Variants in CACNG8 observed in about 807,000 individuals in gnomAD.
CACNG8 encodes calcium voltage-gated channel auxiliary subunit gamma 8.
Under a neutral mutation model 26.9 loss-of-function variants are expected in CACNG8, and 5 were observed. The observed-to-expected ratio is 0.19, with a 90% CI of 0.10 to 0.39. CACNG8 has a LOEUF of 0.39. CACNG8 is among the 10% of genes least tolerant of loss of function. CACNG8 has a pLI of 1.00. For synonymous variants in CACNG8, 321 were observed against 296.7 expected, an observed-to-expected ratio of 1.08 and a Z score of -0.84; for missense variants, 473 against 609.4, an observed-to-expected ratio of 0.78 and a Z score of 2.36.
At chr19:53,970,550 AGGAGGC>A (rs1211053159) in intron 1 of CACNG8, among the ~76,000 whole-genome samples, 3 of 150,088 alleles carry the variant, frequency 2.0e-5, no homozygotes, top group South Asian at 2.1e-4. Context: ...GCTTGAACCC[AGGAGGC>A]GGAGGTTGCT....
Position 53,987,926 on chromosome 19 carries a change from AC to A in CACNG8, c.*5080del, listed in dbSNP as rs1337941159. ...GCAGGGGGGTGGGGACAGAGAAGCG[AC>A]CCTGGCCAGAGCCTTGGGGACATCT... On this transcript the variant is annotated 3_prime_UTR_variant, in exon 4 of 4. Transcript: ENST00000270458. 1 of 151,316 alleles carries A rather than the reference AC, an allele frequency of 6.6e-6. No homozygotes were observed. 9.4% of individuals were successfully genotyped at this position (151,316 alleles called of 1,614,324 possible). A position where few individuals can be genotyped will look rare whatever the true frequency, so the allele number is the denominator to read the frequency against.
chr19:53,981,001 C>G (rs2069363567), intron 3 of CACNG8, among the ~76,000 whole-genome samples: 1 of 151,738 alleles, frequency 6.6e-6, no homozygotes, highest in Non-Finnish European at 1.5e-5. Context: ...CCGGCAAGGA[C>G]CCGAGACCGG....
Position 53,978,135 on chromosome 19 carries a change from C to G in CACNG8, c.284-11C>G, listed in dbSNP as rs1203752004. On this transcript the variant is annotated splice_polypyrimidine_tract_variant and intron_variant, in intron 1 of 3. Transcript: ENST00000270458. ...TATCCGCCCCCACCACTGCCCTCCC[C>G]GCTCCTCCAGGGTTGAAAAGAGGCG... 1 of 1,607,818 alleles carries G rather than the reference C, an allele frequency of 6.2e-7. No individual in the cohort carries two copies. Among genetic ancestry groups the G allele is most frequent in the Non-Finnish European group, 8.5e-7 (1 of 1,176,540 alleles).
chr19:53,982,243 C>G lies in CACNG8; in HGVS notation c.672C>G (p.Val224=). Residue 224 remains valine (V), a synonymous_variant, in exon 4 of 4, where the codon GTC becomes GTG. Coordinates refer to ENST00000270458, the MANE Select transcript of CACNG8 (RefSeq NM_031895.6). The surrounding 1 kb of genome is among the most constrained non-coding windows in gnomAD (Gnocchi z 8.4). ...CCGAGGTGATAGGCGTGCTGGCCGT[C>G]AACATCTACATCGAGCGCAGCCGCG... 1 of 1,612,878 alleles carries G rather than the reference C, an allele frequency of 6.2e-7. No individual in the cohort carries two copies. Among genetic ancestry groups the G allele is most frequent in the Admixed American group, 1.7e-5 (1 of 59,964 alleles).
At chr19:53,969,734 T>C (rs921295158) in intron 1 of CACNG8, among the ~76,000 whole-genome samples, 15 of 152,140 alleles carry the variant, frequency 9.9e-5, no homozygotes, top group African/African-American at 3.6e-4. Context: ...CCATTTCCCT[T>C]TGGAGTGTGT....
At chr19:53,976,082 T>C (rs113961696) in intron 1 of CACNG8, among the ~76,000 whole-genome samples, 2,461 of 152,312 alleles carry the variant, frequency 0.016, 70 homozygotes, top group African/African-American at 0.055. Context: ...CAGTGGCTCA[T>C]GCCTGTAGTC....
chr19:53,981,832 G>C (rs1204235454), intron 3 of CACNG8, among the ~76,000 whole-genome samples: 1 of 152,176 alleles, frequency 6.6e-6, no homozygotes, highest in Non-Finnish European at 1.5e-5. Context: ...GAGTGGGCCG[G>C]AGCCCTCTGG....
chr19:53,970,986 G>A lies in CACNG8; in HGVS notation c.284-7160G>A, dbSNP rs565546006. ...AGAAAAAAAGAAATATAACATGGGT[G>A]ACCATATATAGTTAAAATTTTTAGG... is the stretch of plus-strand genomic sequence containing the variant. On this transcript the variant is annotated intron_variant, in intron 1 of 3. Coordinates refer to ENST00000270458, the MANE Select transcript of CACNG8 (RefSeq NM_031895.6). Among the ~76,000 whole-genome samples the A allele has an allele frequency of 3.3e-5, 5 of 150,226 alleles. No individual in the cohort carries two copies. In the South Asian group the frequency reaches 1.1e-3, roughly 32 times the overall value.
At position 53,982,612 on chromosome 19, in the gene CACNG8, C is replaced by T; in HGVS notation, c.1041C>T (p.Gly347=). The change falls in exon 4 of 4, where the codon GGC becomes GGT. Residue 347 remains glycine (G), a synonymous_variant. Transcript: ENST00000270458. This position sits in a 1 kb window ranked among gnomAD's most constrained non-coding sequence, Gnocchi z 8.4. ...CGGCCGGGGGCGCCGGGGGCGGCGG[C>T]GGAGGCGGCGGCGGGGCGGGTGCCG... 2 of 978,476 alleles carry T rather than the reference C, an allele frequency of 2.0e-6. No individual in the cohort carries two copies. Among genetic ancestry groups the T allele is most frequent in the Non-Finnish European group, 2.4e-6 (2 of 825,088 alleles). The allele number at this position is 978,476 out of a possible 1,614,324, so 60.6% of individuals were successfully genotyped here.
intron 1 of CACNG8, among the ~76,000 whole-genome samples, chr19:53,971,081 C>T (rs540765546): frequency 6.6e-6 from 1 of 151,858 alleles, no homozygotes; most frequent in Non-Finnish European, 1.5e-5. Flanking sequence ...CACGTGAGGT[C>T]GGGAGTTGGA....
In CACNG8 at chr19:53,983,050, C is replaced by T; in HGVS notation, c.*201C>T. The T allele has an allele frequency of 3.9e-6, 1 of 253,186 alleles. No individual in the cohort carries two copies. The highest frequency in any genetic ancestry group is 7.3e-6 in the Non-Finnish European group (1 of 136,366). The allele number at this position is 253,186 out of a possible 1,614,324, so 15.7% of individuals were successfully genotyped here. On this transcript the variant is annotated 3_prime_UTR_variant, in exon 4 of 4. Transcript: ENST00000270458. Reference sequence around the variant, plus strand: ...GGGAGGGGGCAGGGGAGGGAGGGGGCCGCTGTGAGGGAGCGTCGTGTTTTA... The same window carrying T: ...GGGAGGGGGCAGGGGAGGGAGGGGGTCGCTGTGAGGGAGCGTCGTGTTTTA...
Position 53,984,568 on chromosome 19 carries a change from TG to T in CACNG8, c.*1723del, listed in dbSNP as rs2069395714. 2 of 152,302 alleles carry T rather than the reference TG, an allele frequency of 1.3e-5. No homozygotes were observed. Among genetic ancestry groups the T allele is most frequent in the South Asian group, 4.1e-4 (2 of 4,836 alleles). The allele number at this position is 152,302 out of a possible 1,614,324, so 9.4% of individuals were successfully genotyped here. ...GAGGAAGTGAACGAGCATGATGTAT[TG>T]GGGTCAGTGCTAACAGTTCTGGGAT... On this transcript the variant is annotated 3_prime_UTR_variant, in exon 4 of 4. Coordinates refer to ENST00000270458, the MANE Select transcript of CACNG8 (RefSeq NM_031895.6).
At chr19:53,968,426 T>C (rs755122380) in intron 1 of CACNG8, among the ~76,000 whole-genome samples, 9 of 150,698 alleles carry the variant, frequency 6.0e-5, no homozygotes, top group Non-Finnish European at 1.2e-4. Flanking sequence ...AATGATAAAA[T>C]GTCCTTATGT....
chr19:53,982,795 G>T lies in CACNG8; in HGVS notation c.1224G>T (p.Lys408Asn). ...CGCCCGCCCCCGGGACCCTGGCCAAGGAGGCCGCCGCCTCCAACACCAACA... is the reference window on the plus strand; with the variant it reads ...CGCCCGCCCCCGGGACCCTGGCCAATGAGGCCGCCGCCTCCAACACCAACA... The change falls in exon 4 of 4, where the codon AAG becomes AAT. Residue 408 changes from lysine to asparagine, a missense_variant. By Grantham distance (94) the Lys-to-Asn change is moderately conservative. Around this residue, in one of 6 missense-constraint regions of CACNG8, gnomAD observed 212 missense variants for 214.4 expected, o/e 0.99. Coordinates refer to ENST00000270458, the MANE Select transcript of CACNG8 (RefSeq NM_031895.6). This position sits in a 1 kb window ranked among gnomAD's most constrained non-coding sequence, Gnocchi z 8.4. 7.3e-7 allele frequency: 1 copy of T among 1,366,866 alleles called. No individual in the cohort carries two copies. Among genetic ancestry groups the T allele is most frequent in the Non-Finnish European group, 9.5e-7 (1 of 1,053,798 alleles). The allele number at this position is 1,366,866 out of a possible 1,614,324, so 84.7% of individuals were successfully genotyped here.
intron 2 of CACNG8, 47 bp downstream of exon 2, chr19:53,978,276 G>C: frequency 1.3e-6 from 2 of 1,494,732 alleles, no homozygotes; most frequent in Non-Finnish European, 1.9e-6. Flanking sequence ...CAAATCGCGG[G>C]GCCTGGAAGG....
At chr19:53,964,548 G>A (rs79106024) in intron 1 of CACNG8, among the ~76,000 whole-genome samples, 9,617 of 151,852 alleles carry the variant, frequency 0.063, 381 homozygotes, top group African/African-American at 0.1. Flanking sequence ...AGGCCTTCAC[G>A]TTAAGGCTTC....
At chr19:53,975,811 C>T (rs1399642350) in intron 1 of CACNG8, among the ~76,000 whole-genome samples, 1 of 152,192 alleles carries the variant, frequency 6.6e-6, no homozygotes, top group African/African-American at 2.4e-5. Context: ...GTTTTGTTGC[C>T]ACCATCAGCT....
At position 53,982,350 on chromosome 19, in the gene CACNG8, T is replaced by C. The variant is rs1600038244; in HGVS notation, c.779T>C (p.Ile260Thr). ...AGTGGCGGGAGCGGCCCCTCGGCCATCCTCCGTCTGCCCAGTTACCGCTTC... is the reference window on the plus strand; with the variant it reads ...AGTGGCGGGAGCGGCCCCTCGGCCACCCTCCGTCTGCCCAGTTACCGCTTC... Residue 260 changes from isoleucine (I) to threonine (T), a missense_variant, in exon 4 of 4, where the codon ATC becomes ACC. This residue lies in a region of CACNG8 where 155 missense variants were observed against 253.0 expected (regional missense o/e 0.61). Transcript: ENST00000270458. This position sits in a 1 kb window ranked among gnomAD's most constrained non-coding sequence, Gnocchi z 8.4. 1.3e-6 allele frequency: 2 copies of C among 1,545,624 alleles called. No homozygotes were observed. Among genetic ancestry groups the C allele is most frequent in the South Asian group, 2.4e-5 (2 of 85,078 alleles).
intron 1 of CACNG8, among the ~76,000 whole-genome samples, chr19:53,967,086 A>T (rs911603216): frequency 1.3e-5 from 2 of 152,130 alleles, no homozygotes; most frequent in Non-Finnish European, 2.9e-5. Flanking sequence ...GATGCTGAGC[A>T]ACAGCCTTGA....
Sources: allele counts gnomAD v4.1 joint callset (sites outside exome capture counted in the v4.1 genomes callset), GRCh38; gene constraint gnomAD v4.1.1; regional missense constraint gnomAD v4.1.1; non-coding constraint Gnocchi (gnomAD v3.1); transcripts MANE v1.5; gene names NCBI Gene and HGNC (gene_info 2026-07-23, HGNC 2026-07-21).